The following SLC9B1 variants were observed in gnomAD, a reference collection of about 807,000 sequenced individuals.
The protein encoded by SLC9B1 is solute carrier family 9 member B1.
Under a neutral mutation model 51.7 loss-of-function variants are expected in SLC9B1, and 32 were observed. That is an observed-to-expected ratio of 0.62 (90% CI 0.47 to 0.83). The LOEUF (loss-of-function observed/expected upper bound fraction) is 0.83. Ranked by LOEUF, SLC9B1 falls within the 40% of genes least tolerant of loss-of-function variation. The pLI is 0.00. For synonymous variants in SLC9B1, 145 were observed against 212.7 expected (o/e 0.68, Z 2.77); for missense variants, 406 against 613.2 (o/e 0.66, Z 3.57).
intron 11 of SLC9B1, among the ~76,000 whole-genome samples, chr4:102,904,353 C>T (rs1734926657): frequency 1.3e-5 from 2 of 151,948 alleles, no homozygotes; most frequent in South Asian, 2.1e-4. Flanking sequence ...AGCTACCATG[C>T]CTGGCCTGTG....
chr4:102,937,253 C>T (rs1736765659), intron 6 of SLC9B1, among the ~76,000 whole-genome samples: 1 of 151,366 alleles, frequency 6.6e-6, no homozygotes, highest in African/African-American at 2.4e-5. Flanking sequence ...CAGGTGCGCA[C>T]CACAACACCT....
chr4:102,971,563 A>T (rs1170300568), intron 3 of SLC9B1, among the ~76,000 whole-genome samples: 4 of 152,332 alleles, frequency 2.6e-5, no homozygotes, highest in African/African-American at 9.6e-5. Flanking sequence ...ACACCCTAAC[A>T]TCACAATGAA....
At chr4:102,939,535 C>T (rs1736886436) in intron 6 of SLC9B1, among the ~76,000 whole-genome samples, 1 of 151,870 alleles carries the variant, frequency 6.6e-6, no homozygotes, top group South Asian at 2.1e-4. Flanking sequence ...GAGGAAGGAT[C>T]CCTCCCTAAC....
At chr4:102,986,978 A>G (rs755884635) in intron 3 of SLC9B1, among the ~76,000 whole-genome samples, 1 of 152,204 alleles carries the variant, frequency 6.6e-6, no homozygotes, top group Non-Finnish European at 1.5e-5. Context: ...TGTTTGCTCC[A>G]TTTCTTTAAA....
At chr4:102,968,988 G>A (rs577523183) in intron 3 of SLC9B1, among the ~76,000 whole-genome samples, 2 of 152,320 alleles carry the variant, frequency 1.3e-5, no homozygotes, top group South Asian at 2.1e-4. Context: ...GGGGAGGGGC[G>A]TCCACCATTG....
chr4:102,889,812 T>A (rs1174151686), intron 11 of SLC9B1: 1 of 152,228 alleles, frequency 6.6e-6, no homozygotes, highest in African/African-American at 2.4e-5. Context: ...CAATTTTATC[T>A]TGTCCATCTT....
intron 7 of SLC9B1, among the ~76,000 whole-genome samples, chr4:102,920,369 C>T (rs1056000742): frequency 6.6e-6 from 1 of 152,098 alleles, no homozygotes; most frequent in Non-Finnish European, 1.5e-5. Context: ...TCAACATTAA[C>T]CAAAAGATCA....
At chr4:102,973,501 T>C (rs959823697) in intron 3 of SLC9B1, among the ~76,000 whole-genome samples, 4 of 152,094 alleles carry the variant, frequency 2.6e-5, no homozygotes, top group African/African-American at 9.7e-5. Flanking sequence ...AGTAAGATTA[T>C]CTCAGATTTT....
chr4:102,949,312 T>C lies in SLC9B1; in HGVS notation c.327A>G (p.Gly109=), dbSNP rs1560946452. 6.2e-7 allele frequency: 1 copy of C among 1,608,766 alleles called. No homozygotes were observed. The highest frequency in any genetic ancestry group is 8.5e-7 in the Non-Finnish European group (1 of 1,178,468). ...GTATTCTAATGAGTTGTAAAATTTT[T>C]CCCCCAATAATGGCACTATAAAAAA... ...FIIFYSAIIG[G]KILQLIRIPL... Residue 109 remains glycine (G), a synonymous_variant, in exon 4 of 12, where the codon GGA becomes GGG. Coordinates refer to ENST00000296422, the MANE Select transcript of SLC9B1 (RefSeq NM_139173.4).
intron 3 of SLC9B1, among the ~76,000 whole-genome samples, chr4:102,982,597 T>C (rs759790824): frequency 4.6e-5 from 7 of 152,134 alleles, no homozygotes; most frequent in Non-Finnish European, 8.8e-5. Flanking sequence ...CAAATAGATC[T>C]TGTATATATT....
intron 3 of SLC9B1, chr4:102,962,984 G>A (rs1222167703): frequency 1.5e-5 from 7 of 460,848 alleles, no homozygotes; most frequent in Non-Finnish European, 3.1e-5. Context: ...TGTTGTTGAT[G>A]AATACAAAAC....
chr4:102,979,188 T>G (rs1739226769), intron 3 of SLC9B1, among the ~76,000 whole-genome samples: 1 of 152,240 alleles, frequency 6.6e-6, no homozygotes. Flanking sequence ...ACTCTTTTCA[T>G]TTCCTATTTG....
intron 3 of SLC9B1, among the ~76,000 whole-genome samples, chr4:102,955,076 G>C (rs978584525): frequency 1.3e-5 from 2 of 152,176 alleles, no homozygotes; most frequent in African/African-American, 2.4e-5. Flanking sequence ...GTTGCTCCCT[G>C]ATATGGTTTG....
chr4:102,967,771 A>G (rs1426480901), intron 3 of SLC9B1, among the ~76,000 whole-genome samples: 3 of 152,184 alleles, frequency 2.0e-5, no homozygotes, highest in South Asian at 2.1e-4. Context: ...GTTTTGGTAA[A>G]GACACTCAAA....
At chr4:102,912,550 T>C (rs1235284077) in intron 7 of SLC9B1, among the ~76,000 whole-genome samples, 1 of 152,132 alleles carries the variant, frequency 6.6e-6, no homozygotes, top group African/African-American at 2.4e-5. Context: ...GTGGATTCAA[T>C]ATAGTAAGTA....
At chr4:103,002,639 C>CT (rs1284039800) in intron 1 of SLC9B1, among the ~76,000 whole-genome samples, 1 of 152,058 alleles carries the variant, frequency 6.6e-6, no homozygotes, top group African/African-American at 2.4e-5. Flanking sequence ...TCACAGAAGG[C>CT]TAAAATGGTT....
At chr4:102,915,341 A>G (rs2110436814) in intron 7 of SLC9B1, among the ~76,000 whole-genome samples, 1 of 152,358 alleles carries the variant, frequency 6.6e-6, no homozygotes, top group African/African-American at 2.4e-5. Context: ...ATGAGTGAAC[A>G]TAGAATCCTT....
chr4:102,957,778 GTA>G (rs1174237946), intron 3 of SLC9B1, among the ~76,000 whole-genome samples: 12 of 149,934 alleles, frequency 8.0e-5, no homozygotes, highest in Middle Eastern at 3.4e-3. Context: ...GTGTATGTGT[GTA>G]TATGTGTGTG....
intron 4 of SLC9B1, among the ~76,000 whole-genome samples, chr4:102,948,325 TACACACAC>T (rs375091561): frequency 5.5e-5 from 7 of 127,468 alleles, no homozygotes; most frequent in Non-Finnish European, 8.1e-5. Flanking sequence ...GGCAAAGCCA[TACACACAC>T]ACACACACAC....
Sources: gnomAD v4.1 joint callset for allele counts (sites outside exome capture counted in the v4.1 genomes callset) on GRCh38, gnomAD v4.1.1 for gene constraint, MANE v1.5 for transcripts, NCBI Gene and HGNC (gene_info 2026-07-23, HGNC 2026-07-21) for gene names.